Variants in HEATR1 observed in about 807,000 individuals in gnomAD.
HEATR1 encodes HEAT repeat containing 1.
In HEATR1, 77 loss-of-function variants were observed where a neutral mutation model predicts 248.2. The ratio of observed to expected loss-of-function variants is 0.31; its 90% CI spans 0.26 to 0.37. The LOEUF is 0.37. HEATR1 is among the 10% of genes least tolerant of loss of function. The probability of loss-of-function intolerance (pLI) is 1.00; values close to 1 mark genes in which losing one functional copy is unlikely to be tolerated. For missense variants in HEATR1, 2,420 were observed against 2,504.9 expected (o/e 0.97, Z 0.72); for synonymous variants, 897 against 923.1 (o/e 0.97, Z 0.51).
At chr1:236,584,970 G>T in intron 17 of HEATR1, 55 bp downstream of exon 17, 7 of 1,467,580 alleles carry the variant, frequency 4.8e-6, no homozygotes, top group South Asian at 1.3e-5. Flanking sequence ...TGACTAATAG[G>T]CCAGGCTGTT....
At chr1:236,553,528 T>C (rs932665219) in intron 43 of HEATR1, 53 bp downstream of exon 43, 2 of 1,566,320 alleles carry the variant, frequency 1.3e-6, no homozygotes, top group African/African-American at 2.7e-5. Flanking sequence ...GCAGGCTGTT[T>C]AGGCTATGCA....
At chr1:236,554,080 T>TTAAAAAA (rs750681533) in intron 42 of HEATR1, among the ~76,000 whole-genome samples, 11 of 152,074 alleles carry the variant, frequency 7.2e-5, no homozygotes, top group Non-Finnish European at 1.3e-4. Context: ...TTTGAGCAGT[T>TTAAAAAA]TAAAAAATAA....
At chr1:236,586,063 T>A in intron 15 of HEATR1, 122 bp from the exon 16 acceptor site, 3 of 1,359,194 alleles carry the variant, frequency 2.2e-6, no homozygotes, top group Non-Finnish European at 2.0e-6. Flanking sequence ...TTTCCTTGTA[T>A]CCGATTCTGA....
chr1:236,565,648 G>A (rs1326474617), intron 31 of HEATR1, among the ~76,000 whole-genome samples: 1 of 152,140 alleles, frequency 6.6e-6, no homozygotes, highest in Non-Finnish European at 1.5e-5. Flanking sequence ...ATCATTTACT[G>A]TCATTTGAAC....
rs763065743 is a variant in HEATR1, at chr1:236,574,736, T to C, written c.3252A>G (p.Ile1084Met). The C allele has an allele frequency of 6.2e-7, 1 of 1,613,922 alleles. No individual in the cohort carries two copies. The highest frequency in any genetic ancestry group is 1.3e-5 in the African/African-American group (1 of 75,032). ...LLNEDPKSLD[I>M]FIKAVHTTKE... ...TTGTTGTGTGCACAGCTTTTATAAA[T>C]ATATCTAGACTCTTCGGATCCTCAT... The change falls in exon 23 of 45, where the codon ATA becomes ATG. Residue 1084 changes from isoleucine to methionine, a missense_variant. By Grantham distance (10) the Ile-to-Met change is conservative. Coordinates refer to ENST00000366582, the MANE Select transcript of HEATR1 (RefSeq NM_018072.6).
At chr1:236,562,414 T>C (rs1663153536) in intron 32 of HEATR1, among the ~76,000 whole-genome samples, 2 of 152,228 alleles carry the variant, frequency 1.3e-5, no homozygotes, top group Non-Finnish European at 2.9e-5. Context: ...CTGACTAAAG[T>C]TGTCTTTTCT....
At chr1:236,559,312 T>A (rs192344127) in intron 34 of HEATR1, among the ~76,000 whole-genome samples, 177 bp from the exon 35 acceptor site, 1 of 152,182 alleles carries the variant, frequency 6.6e-6, no homozygotes, top group Non-Finnish European at 1.5e-5. Context: ...CCACACATTA[T>A]CGAACAAAAC....
rs944898384 is a variant in HEATR1, at chr1:236,549,786, T to A, written c.*1116A>T. On this transcript the variant is annotated 3_prime_UTR_variant, in exon 45 of 45. Transcript: ENST00000366582. ...AAAAATAGCCCACTCACATCATTCCTTGTAAGTCTTAAGTTCATTTTCATT... is the reference window on the plus strand; with the variant it reads ...AAAAATAGCCCACTCACATCATTCCATGTAAGTCTTAAGTTCATTTTCATT... 6.6e-6 allele frequency: 1 copy of A among 152,218 alleles called. No individual in the cohort carries two copies. Among genetic ancestry groups the A allele is most frequent in the East Asian group, 1.9e-4 (1 of 5,202 alleles). The allele number at this position is 152,218 out of a possible 1,614,324, so 9.4% of individuals were successfully genotyped here.
chr1:236,588,471 G>A (rs1332018034), intron 12 of HEATR1, among the ~76,000 whole-genome samples: 1 of 152,122 alleles, frequency 6.6e-6, no homozygotes, highest in Non-Finnish European at 1.5e-5. Context: ...TATAAAACAG[G>A]TTTGCTAATA....
In HEATR1 at chr1:236,574,709, C is replaced by G. The variant is rs1193465458; in HGVS notation, c.3279G>C (p.Lys1093Asn). Residue 1093 changes from lysine to asparagine, a missense_variant, in exon 23 of 45, where the codon AAG (lysine) becomes AAC (asparagine). Transcript: ENST00000366582. The part of the protein sequence containing the change: ...DIFIKAVHTT[K>N]ELYAGMPTIQ... ...TGGTTGGCATTCCCGCGTAAAGTTCCTTTGTTGTGTGCACAGCTTTTATAA... is the reference window on the plus strand; with the variant it reads ...TGGTTGGCATTCCCGCGTAAAGTTCGTTTGTTGTGTGCACAGCTTTTATAA... 6.2e-7 allele frequency: 1 copy of G among 1,613,842 alleles called. No individual in the cohort carries two copies. The highest frequency in any genetic ancestry group is 2.2e-5 in the East Asian group (1 of 44,866).
Position 236,558,420 on chromosome 1 carries a change from A to AAC in HEATR1, c.5020_5021insGT (p.Leu1674CysfsTer2). On this transcript the variant is annotated frameshift_variant, in exon 36 of 45. Coordinates refer to ENST00000366582, the MANE Select transcript of HEATR1 (RefSeq NM_018072.6). LOFTEE classifies it high-confidence loss of function. ...ACCAAAATTCTTGCATAAAAGCTTT[A>AAC]AGGTATACAACGCTGTCTGTCTGTT... is the stretch of plus-strand genomic sequence containing the variant. 1 of 1,614,184 alleles carries AAC rather than the reference A, an allele frequency of 6.2e-7. No homozygotes were observed. The highest frequency in any genetic ancestry group is 8.5e-7 in the Non-Finnish European group (1 of 1,180,006).
chr1:236,585,251 C>A (rs777829226), intron 16 of HEATR1, 35 bp from the exon 17 acceptor site: 2 of 1,548,182 alleles, frequency 1.3e-6, no homozygotes, highest in South Asian at 1.2e-5. Context: ...ACCAGTTGCT[C>A]TTGATTTTCA....
chr1:236,569,342 ATTT>A (rs879533629), intron 28 of HEATR1, among the ~76,000 whole-genome samples: 5 of 151,706 alleles, frequency 3.3e-5, no homozygotes, highest in African/African-American at 1.2e-4. Context: ...TGCCCAGCTA[ATTT>A]TTTTTCCTTT....
intron 4 of HEATR1, among the ~76,000 whole-genome samples, chr1:236,599,167 AG>A (rs1664251617): frequency 1.3e-5 from 2 of 152,358 alleles, no homozygotes; most frequent in South Asian, 4.1e-4. Context: ...CTCTGGAATC[AG>A]ATTTGGGTTC....
chr1:236,571,482 TGAGA>T lies in HEATR1; in HGVS notation c.3827-14_3827-11del, dbSNP rs771194482. 6.2e-7 allele frequency: 1 copy of T among 1,613,492 alleles called. No individual in the cohort carries two copies. The highest frequency in any genetic ancestry group is 8.5e-7 in the Non-Finnish European group (1 of 1,179,918). On this transcript the variant is annotated splice_polypyrimidine_tract_variant and intron_variant, in intron 27 of 44. Coordinates refer to ENST00000366582, the MANE Select transcript of HEATR1 (RefSeq NM_018072.6). ...TCCTCATCTAAAATATCTACAATGG[TGAGA>T]AAGACAAAAACCCTAAGTGGCAGGT...
intron 29 of HEATR1, among the ~76,000 whole-genome samples, chr1:236,567,172 G>A (rs79130057): frequency 1.4e-3 from 212 of 152,028 alleles, no homozygotes; most frequent in African/African-American, 4.9e-3. Context: ...GTAGAGACGG[G>A]GTTTTGCTAT....
In HEATR1 at chr1:236,553,670, C is replaced by T. The variant is rs145985095; in HGVS notation, c.6148G>A (p.Ala2050Thr). ...TCCGCCATGGCCACCGAAAACTGTG[C>T]GATGCATGGTATCAGGTGCTTTGTC... ...RVTKHLIPCI[A>T]QFSVAMADDS... The change falls in exon 43 of 45, where the codon GCA becomes ACA. Residue 2050 changes from alanine to threonine, a missense_variant. Transcript: ENST00000366582. The T allele has an allele frequency of 3.7e-5, 60 of 1,613,816 alleles. No homozygotes were observed. Among genetic ancestry groups the T allele is most frequent in the Admixed American group, 1.8e-4 (11 of 59,968 alleles).
At position 236,557,225 on chromosome 1, in the gene HEATR1, G is replaced by T; in HGVS notation, c.5325C>A (p.Ile1775=). ...QKVVETLPHF[I]SPYLEGILSQ... The stretch of plus-strand genomic sequence containing the variant: ...AGAGAATGCCTTCCAGATAGGGGCT[G>T]ATGAAGTGCGGGAGAGTCTCCACAA... The change falls in exon 37 of 45, where the codon ATC becomes ATA. Residue 1775 remains isoleucine, a synonymous_variant. Transcript: ENST00000366582. 6.2e-7 allele frequency: 1 copy of T among 1,614,118 alleles called. No individual in the cohort carries two copies. Among genetic ancestry groups the T allele is most frequent in the South Asian group, 1.1e-5 (1 of 91,058 alleles).
At chr1:236,603,632 G>T (rs549012509) in intron 2 of HEATR1, among the ~76,000 whole-genome samples, 98 of 145,834 alleles carry the variant, frequency 6.7e-4, no homozygotes, top group African/African-American at 1.9e-3. Context: ...ACAATAACTA[G>T]GCCAGTCCTC....
Sources: allele counts gnomAD v4.1 joint callset (sites outside exome capture counted in the v4.1 genomes callset), GRCh38; gene constraint gnomAD v4.1.1; transcripts MANE v1.5; gene names NCBI Gene and HGNC (gene_info 2026-07-23, HGNC 2026-07-21).